MED13L: variants seen among roughly 807,000 people sequenced by gnomAD.
MED13L encodes mediator complex subunit 13L.
MED13L carries 7 observed loss-of-function variants against 220.9 expected under a neutral mutation model. The ratio of observed to expected loss-of-function variants is 0.03; its 90% CI spans 0.02 to 0.06. MED13L has a LOEUF of 0.06. Ranked by LOEUF, MED13L falls within the 10% of genes least tolerant of loss-of-function variation. The pLI is 1.00. For synonymous variants in MED13L, 1,011 were observed against 1,015.2 expected (o/e 1.00, Z 0.08); for missense variants, 1,965 against 2,760.5 (o/e 0.71, Z 6.46).
intron 2 of MED13L, among the ~76,000 whole-genome samples, chr12:116,114,397 A>G (rs1874346324): frequency 6.6e-6 from 1 of 152,242 alleles, no homozygotes; most frequent in Admixed American, 6.5e-5. Context: ...CAGCTTTACC[A>G]CAATTGCTGT....
At chr12:116,009,166 C>G (rs1207910177) in intron 9 of MED13L, 34 bp from the exon 10 acceptor site, 1 of 1,612,194 alleles carries the variant, frequency 6.2e-7, no homozygotes, top group Admixed American at 1.7e-5. Flanking sequence ...ATCATTATAA[C>G]ATTAAGAAAA....
intron 9 of MED13L, among the ~76,000 whole-genome samples, chr12:116,010,970 G>A (rs1265751410): frequency 4.6e-5 from 7 of 151,094 alleles, no homozygotes; most frequent in Admixed American, 1.3e-4. Context: ...TCCGCCTCCC[G>A]GGTTCAAGCA....
intron 1 of MED13L, among the ~76,000 whole-genome samples, chr12:116,240,086 C>T (rs1009491912): frequency 6.6e-6 from 1 of 151,974 alleles, no homozygotes; most frequent in African/African-American, 2.4e-5. Context: ...TCTGTTCATA[C>T]CCTTTGTCCA....
intron 1 of MED13L, among the ~76,000 whole-genome samples, chr12:116,257,976 C>A (rs749738724): frequency 6.6e-6 from 1 of 152,048 alleles, no homozygotes; most frequent in Non-Finnish European, 1.5e-5. Flanking sequence ...TTTAAAAAAA[C>A]GTAAACTGTA....
At chr12:116,143,847 T>C (rs1457554447) in intron 2 of MED13L, among the ~76,000 whole-genome samples, 1 of 152,118 alleles carries the variant, frequency 6.6e-6, no homozygotes, top group Non-Finnish European at 1.5e-5. Flanking sequence ...TCCTAAACCA[T>C]GAAAAATGAA....
chr12:116,106,741 G>A (rs1873612307), intron 3 of MED13L, among the ~76,000 whole-genome samples: 1 of 151,936 alleles, frequency 6.6e-6, no homozygotes. Context: ...AGCTACTGGG[G>A]AGGCTGAGGC....
At chr12:115,990,381 AG>A (rs901711598) in intron 17 of MED13L, among the ~76,000 whole-genome samples, 4 of 152,234 alleles carry the variant, frequency 2.6e-5, no homozygotes, top group African/African-American at 7.2e-5. Context: ...AAAGTCCATG[AG>A]GGTAAGTGCC....
chr12:116,009,167 A>G (rs750463498), intron 9 of MED13L, 35 bp from the exon 10 acceptor site: 1 of 1,612,188 alleles, frequency 6.2e-7, no homozygotes, highest in Non-Finnish European at 8.5e-7. Flanking sequence ...TCATTATAAC[A>G]TTAAGAAAAG....
chr12:116,074,940 T>C (rs1452877927), intron 4 of MED13L, among the ~76,000 whole-genome samples: 2 of 152,262 alleles, frequency 1.3e-5, no homozygotes, highest in African/African-American at 2.4e-5. Flanking sequence ...TAGAGCTTTA[T>C]TGCGCAAGCA....
intron 4 of MED13L, among the ~76,000 whole-genome samples, chr12:116,031,583 C>G (rs1880741286): frequency 8.8e-6 from 1 of 114,278 alleles, no homozygotes; most frequent in African/African-American, 3.4e-5. Flanking sequence ...CAGAGCGAGA[C>G]TCTGTCCAAA....
chr12:116,255,832 C>CA (rs1040734139), intron 1 of MED13L, among the ~76,000 whole-genome samples: 2 of 152,172 alleles, frequency 1.3e-5, no homozygotes, highest in Admixed American at 1.3e-4. Context: ...ATCCCTAATT[C>CA]AAAAATCCAA....
intron 2 of MED13L, among the ~76,000 whole-genome samples, chr12:116,147,243 A>C (rs1006572067): frequency 6.6e-6 from 1 of 152,208 alleles, no homozygotes; most frequent in Non-Finnish European, 1.5e-5. Context: ...CCATGTCCTA[A>C]AACTCTGATA....
chr12:116,019,185 A>G, intron 7 of MED13L, 39 bp downstream of exon 7: 3 of 1,590,496 alleles, frequency 1.9e-6, no homozygotes, highest in Non-Finnish European at 2.6e-6. Context: ...CAATTGTCTG[A>G]GATCTCTTCT....
intron 2 of MED13L, among the ~76,000 whole-genome samples, chr12:116,230,689 T>C (rs1869472327): frequency 6.6e-6 from 1 of 152,112 alleles, no homozygotes; most frequent in Non-Finnish European, 1.5e-5. Flanking sequence ...TTGAAAGAAA[T>C]TTTCAAAATG....
In MED13L at chr12:115,969,210, GAC is replaced by G. The variant is rs906604672; in HGVS notation, c.6068-115_6068-114del. On this transcript the variant is annotated intron_variant, in intron 27 of 30. Coordinates refer to ENST00000281928, the MANE Select transcript of MED13L (RefSeq NM_015335.5). Reference sequence around the variant, plus strand: ...GTTTTGTTGGCATATGGCTATTATGGACACACACTGTTAATAACTTAGATTCA... The same window carrying G: ...GTTTTGTTGGCATATGGCTATTATGGACACACTGTTAATAACTTAGATTCA... 42 of 1,141,796 alleles carry G rather than the reference GAC, an allele frequency of 3.7e-5. 1 individual carries two copies. The highest frequency in any genetic ancestry group is 5.0e-5 in the Non-Finnish European group (39 of 783,314). The allele number at this position is 1,141,796 out of a possible 1,614,324, so 70.7% of individuals were successfully genotyped here.
At chr12:116,185,031 A>G (rs1880783131) in intron 2 of MED13L, among the ~76,000 whole-genome samples, 1 of 152,192 alleles carries the variant, frequency 6.6e-6, no homozygotes, top group Non-Finnish European at 1.5e-5. Context: ...GGCATCTAAA[A>G]TGTTTGTTTC....
intron 4 of MED13L, among the ~76,000 whole-genome samples, chr12:116,046,575 T>A (rs938917904): frequency 2.0e-5 from 3 of 152,194 alleles, no homozygotes; most frequent in Admixed American, 6.5e-5. Context: ...TTTGCTTCAA[T>A]TTGTAAGGGA....
intron 2 of MED13L, among the ~76,000 whole-genome samples, chr12:116,219,562 G>A (rs1014065183): frequency 6.6e-6 from 1 of 152,054 alleles, no homozygotes; most frequent in African/African-American, 2.4e-5. Flanking sequence ...TCCACAATGT[G>A]GACATTAAAA....
At chr12:116,206,551 C>T (rs186450615) in intron 2 of MED13L, among the ~76,000 whole-genome samples, 182 of 151,534 alleles carry the variant, frequency 1.2e-3, no homozygotes, top group African/African-American at 3.9e-3. Flanking sequence ...AAGTTATAGA[C>T]GGGGAAAAAA....
Sources: allele counts gnomAD v4.1 joint callset (sites outside exome capture counted in the v4.1 genomes callset), GRCh38; gene constraint gnomAD v4.1.1; transcripts MANE v1.5; gene names NCBI Gene and HGNC (gene_info 2026-07-23, HGNC 2026-07-21).